EIF3A: variants seen among roughly 807,000 people sequenced by gnomAD.
The protein encoded by EIF3A is eukaryotic translation initiation factor 3 subunit A.
A neutral mutation model predicts 186.6 loss-of-function variants in EIF3A; 21 were observed. That is an observed-to-expected ratio of 0.11 (90% CI 0.08 to 0.16). The LOEUF is 0.16. Ranked by LOEUF, EIF3A falls within the 10% of genes least tolerant of loss-of-function variation. EIF3A has a pLI of 1.00. For synonymous variants in EIF3A, 563 were observed against 584.3 expected (o/e 0.96, Z 0.52); for missense variants, 1,306 against 1,796.3 (o/e 0.73, Z 4.93).
intron 1 of EIF3A, among the ~76,000 whole-genome samples, chr10:119,079,211 T>C (rs942438744): frequency 6.6e-6 from 1 of 152,212 alleles, no homozygotes; most frequent in African/African-American, 2.4e-5. Flanking sequence ...TAGAATGAAT[T>C]AGTGCTCACA....
chr10:119,051,229 T>C lies in EIF3A; in HGVS notation c.2289A>G (p.Arg763=), dbSNP rs1848352627. 6.2e-7 allele frequency: 1 copy of C among 1,610,904 alleles called. No homozygotes were observed. Among genetic ancestry groups the C allele is most frequent in the South Asian group, 1.1e-5 (1 of 90,192 alleles). The change falls in exon 15 of 22, where the codon CGA becomes CGG. Residue 763 remains arginine (R), a synonymous_variant. Transcript: ENST00000369144. ...MLEDRDLFVM[R]LKAARQSVYE... ...AAACAGACTGCCGTGCAGCTTTGAGTCGCATTACGAATAAATCTCTGTCTT... is the reference window on the plus strand; with the variant it reads ...AAACAGACTGCCGTGCAGCTTTGAGCCGCATTACGAATAAATCTCTGTCTT...
At position 119,065,659 on chromosome 10, in the gene EIF3A, G is replaced by A. The variant is rs139689121; in HGVS notation, c.951-89C>T. ...CTTCTCTTTAATCTTACGGTAAGGC[G>A]TGCTAGTGACAGAACGTGTACATCA... On this transcript the variant is annotated intron_variant, in intron 6 of 21. Transcript: ENST00000369144. The A allele has an allele frequency of 3.6e-3, 3,321 of 915,328 alleles. 59 individuals carry two copies. Among genetic ancestry groups the A allele is most frequent in the South Asian group, 0.03 (1,945 of 65,298 alleles). 56.7% of individuals were successfully genotyped at this position (915,328 alleles called of 1,614,324 possible).
At chr10:119,057,717 G>A (rs1387659121) in intron 12 of EIF3A, among the ~76,000 whole-genome samples, 2 of 152,196 alleles carry the variant, frequency 1.3e-5, no homozygotes, top group African/African-American at 4.8e-5. Flanking sequence ...GGAGGTTGCA[G>A]TGAGCTGAGA....
Position 119,072,820 on chromosome 10 carries a change from T to C in EIF3A, c.541+70A>G, listed in dbSNP as rs543549271. On this transcript the variant is annotated intron_variant, in intron 4 of 21. Coordinates refer to ENST00000369144, the MANE Select transcript of EIF3A (RefSeq NM_003750.4). ...AGGATAAAAACTAGTTCATTTTAAGTACTTTTCAGAAAATTTACTCCTCAG... is the reference window on the plus strand; with the variant it reads ...AGGATAAAAACTAGTTCATTTTAAGCACTTTTCAGAAAATTTACTCCTCAG... 1.4e-5 allele frequency: 21 copies of C among 1,523,398 alleles called. No individual in the cohort carries two copies. In the Middle Eastern group the frequency reaches 8.8e-4, roughly 64 times the overall value. The allele number at this position is 1,523,398 out of a possible 1,614,324, so 94.4% of individuals were successfully genotyped here.
chr10:119,038,418 T>G lies in EIF3A; in HGVS notation c.3548A>C (p.Lys1183Thr). ...TGGACCCCAGCTCTCCTCTCTGGCT[T>G]TTTCTTTCTCTCTCCATCCACCTGT... is the stretch of plus-strand genomic sequence containing the variant. ...VKPGGWREKE[K>T]AREESWGPPR... The change falls in exon 20 of 22, where the codon AAA (lysine) becomes ACA (threonine). Residue 1183 changes from lysine (K) to threonine (T), a missense_variant. By Grantham distance (78) the Lys-to-Thr change is moderately conservative. Transcript: ENST00000369144. 6.2e-7 allele frequency: 1 copy of G among 1,613,632 alleles called. No individual in the cohort carries two copies. Among genetic ancestry groups the G allele is most frequent in the Non-Finnish European group, 8.5e-7 (1 of 1,179,920 alleles).
chr10:119,061,517 G>A (rs1014933447), intron 7 of EIF3A, among the ~76,000 whole-genome samples, 189 bp from the exon 8 acceptor site: 5 of 151,816 alleles, frequency 3.3e-5, no homozygotes, highest in Non-Finnish European at 5.9e-5. Flanking sequence ...CCCACACTAT[G>A]CACATTAACC....
Position 119,056,743 on chromosome 10 carries a change from T to G in EIF3A, c.2193A>C (p.Glu731Asp), listed in dbSNP as rs1589690434. ...TACAATTAAATAAAAAACTTACTCT[T>G]TCTTCCTCTTGTTGCTCCCACAGAT... ...DMDLWEQQEE[E>D]RITTMQLERE... Residue 731 changes from glutamate (E) to aspartate (D), a missense_variant, in exon 14 of 22, where the codon GAA becomes GAC. Glu to Asp is a conservative substitution (Grantham distance 45). Around this residue, in one of 8 missense-constraint regions of EIF3A, gnomAD observed 410 missense variants for 473.5 expected, o/e 0.87. Transcript: ENST00000369144. 6.3e-7 allele frequency: 1 copy of G among 1,586,196 alleles called. No homozygotes were observed. The highest frequency in any genetic ancestry group is 8.6e-7 in the Non-Finnish European group (1 of 1,156,340).
At chr10:119,051,836 G>A (rs2119818793) in intron 14 of EIF3A, among the ~76,000 whole-genome samples, 1 of 152,286 alleles carries the variant, frequency 6.6e-6, no homozygotes, top group South Asian at 2.1e-4. Flanking sequence ...TGCAAGATCA[G>A]CCTGGACAAC....
chr10:119,074,541 G>A (rs540367896), intron 1 of EIF3A, among the ~76,000 whole-genome samples: 10 of 152,104 alleles, frequency 6.6e-5, no homozygotes, highest in Admixed American at 1.3e-4. Context: ...CAACATGGGA[G>A]AAAGTGGGTG....
At chr10:119,060,959 A>G in intron 8 of EIF3A, 115 bp from the exon 9 acceptor site, 1 of 729,540 alleles carries the variant, frequency 1.4e-6, no homozygotes, top group Non-Finnish European at 2.2e-6. Flanking sequence ...AAAGAAATAC[A>G]AAATGTATCA....
intron 5 of EIF3A, among the ~76,000 whole-genome samples, 191 bp from the exon 6 acceptor site, chr10:119,069,845 G>A (rs1173417044): frequency 6.6e-6 from 1 of 151,564 alleles, no homozygotes; most frequent in Non-Finnish European, 1.5e-5. Flanking sequence ...CTCCTTAAAC[G>A]TTTTAAAGTT....
Position 119,038,456 on chromosome 10 carries a change from G to A in EIF3A, c.3527-17C>T. 6.3e-7 allele frequency: 1 copy of A among 1,579,916 alleles called. No individual in the cohort carries two copies. Among genetic ancestry groups the A allele is most frequent in the Non-Finnish European group, 8.6e-7 (1 of 1,165,284 alleles). On this transcript the variant is annotated splice_polypyrimidine_tract_variant and intron_variant, in intron 19 of 21. Transcript: ENST00000369144. ...TCCATCCACCTGTTTTTTTGAAAAA[G>A]CAAAACATTTTTAAAATATTTTTAA...
At chr10:119,048,913 G>A (rs1485188096) in intron 17 of EIF3A, among the ~76,000 whole-genome samples, 4 of 151,992 alleles carry the variant, frequency 2.6e-5, no homozygotes, top group Non-Finnish European at 4.4e-5. Context: ...CGATCCGCAC[G>A]CCTCGGCTTC....
intron 9 of EIF3A, among the ~76,000 whole-genome samples, 199 bp downstream of exon 9, chr10:119,060,547 C>T (rs1843868185): frequency 6.6e-6 from 1 of 152,110 alleles, no homozygotes; most frequent in Non-Finnish European, 1.5e-5. Flanking sequence ...AGACAGTGTT[C>T]AGCCAAAAAA....
At chr10:119,061,406 G>T in intron 7 of EIF3A, 78 bp from the exon 8 acceptor site, 1 of 605,566 alleles carries the variant, frequency 1.7e-6, no homozygotes, top group South Asian at 2.4e-5. Context: ...ATAAATGATA[G>T]CATTGGAAAT....
chr10:119,042,939 G>C lies in EIF3A; in HGVS notation c.2748-167C>G, dbSNP rs879279392. 7.9e-5 allele frequency among the ~76,000 whole-genome samples: 12 copies of C among 152,124 alleles called. No homozygotes were observed. The highest frequency in any genetic ancestry group is 1.6e-4 in the Non-Finnish European group (11 of 68,022). On this transcript the variant is annotated intron_variant, in intron 18 of 21. Coordinates refer to ENST00000369144, the MANE Select transcript of EIF3A (RefSeq NM_003750.4). This position sits in a 1 kb window ranked among gnomAD's most constrained non-coding sequence, Gnocchi z 7.8. ...AAGCAGAGGCAGGCAGATCACCTGA[G>C]GTCAGGAGTTCAAGACCAGCCTGGC...
Position 119,042,684 on chromosome 10 carries a change from T to C in EIF3A, c.2836A>G (p.Arg946Gly). Reference sequence around the variant, plus strand: ...TCGTCTGGTCTAAGAGAGGGCTCTCTATCTTCATCATCCCCCAGACGCCGG... The same window carrying C: ...TCGTCTGGTCTAAGAGAGGGCTCTCCATCTTCATCATCCCCCAGACGCCGG... ...RPRRLGDDED[R>G]EPSLRPDDDR... The change falls in exon 19 of 22, where the codon AGA (arginine) becomes GGA (glycine). Residue 946 changes from arginine (R) to glycine (G), a missense_variant. By Grantham distance (125) the Arg-to-Gly change is moderately radical (BLOSUM62 -2). Around this residue, in one of 8 missense-constraint regions of EIF3A, gnomAD observed 410 missense variants for 473.5 expected, o/e 0.87. Transcript: ENST00000369144. This position sits in a 1 kb window ranked among gnomAD's most constrained non-coding sequence, Gnocchi z 7.8. The C allele has an allele frequency of 6.2e-7, 1 of 1,614,176 alleles. No homozygotes were observed. The highest frequency in any genetic ancestry group is 8.5e-7 in the Non-Finnish European group (1 of 1,180,042).
chr10:119,060,362 T>TGGCATAAGA (rs1204685781), intron 9 of EIF3A, among the ~76,000 whole-genome samples: 1 of 151,948 alleles, frequency 6.6e-6, no homozygotes, highest in Non-Finnish European at 1.5e-5. Flanking sequence ...CCACAGAAAG[T>TGGCATAAGA]AATAGAAGTA....
In EIF3A at chr10:119,042,421, A is replaced by C. The variant is rs940397442; in HGVS notation, c.3099T>G (p.Asp1033Glu). 6.2e-7 allele frequency: 1 copy of C among 1,613,844 alleles called. No homozygotes were observed. The highest frequency in any genetic ancestry group is 8.5e-7 in the Non-Finnish European group (1 of 1,179,954). Reference protein sequence around the residue: ...DEDRGSWRTADEDRGPRRGMD... With the variant: ...DEDRGSWRTAEEDRGPRRGMD... ...TCCCACGTCTTGGTCCTCTGTCCTC[A>C]TCAGCTGTTCGCCAGCTTCCTCTGT... Residue 1033 changes from aspartate (D) to glutamate (E), a missense_variant, in exon 19 of 22, where the codon GAT becomes GAG. Coordinates refer to ENST00000369144, the MANE Select transcript of EIF3A (RefSeq NM_003750.4). The surrounding 1 kb of genome is among the most constrained non-coding windows in gnomAD (Gnocchi z 7.8).
Sources: allele counts gnomAD v4.1 joint callset (sites outside exome capture counted in the v4.1 genomes callset), GRCh38; gene constraint gnomAD v4.1.1; regional missense constraint gnomAD v4.1.1; non-coding constraint Gnocchi (gnomAD v3.1); transcripts MANE v1.5; gene names NCBI Gene and HGNC (gene_info 2026-07-23, HGNC 2026-07-21).